SESN3: variants seen among roughly 807,000 people sequenced by gnomAD.
SESN3 encodes the protein sestrin-3.
In SESN3, 21 loss-of-function variants were observed where a neutral mutation model predicts 55.3. The observed-to-expected ratio is 0.38, with a 90% CI of 0.27 to 0.55. The LOEUF (loss-of-function observed/expected upper bound fraction) is 0.55, where lower values mean the gene tolerates loss of function less well. SESN3 is among the 20% of genes least tolerant of loss of function. The pLI, the probability that SESN3 is intolerant of heterozygous loss-of-function variation, is 0.76. For missense variants in SESN3, 408 were observed against 604.3 expected, an observed-to-expected ratio of 0.68 and a Z score of 3.41; for synonymous variants, 181 against 203.1, an observed-to-expected ratio of 0.89 and a Z score of 0.93.
Position 95,189,881 on chromosome 11 carries a change from C to T in SESN3, c.423G>A (p.Trp141Ter). The T allele has an allele frequency of 6.2e-7, 1 of 1,611,622 alleles. No individual in the cohort carries two copies. Among genetic ancestry groups the T allele is most frequent in the Non-Finnish European group, 8.5e-7 (1 of 1,178,460 alleles). ...EFLKTGGIAE[W>*]LNGLEYVPQR... ...GTGGCACATATTCCAAACCATTCAA[C>T]CACTCAGCAATACCTCCAGTCTTTA... Residue 141 changes from tryptophan (W) to a stop codon, truncating the protein, a stop_gained, in exon 4 of 10, where the codon TGG (tryptophan) becomes TGA (stop). Transcript: ENST00000536441. LOFTEE classifies it high-confidence loss of function.
intron 1 of SESN3, among the ~76,000 whole-genome samples, chr11:95,216,925 G>T (rs535259576): frequency 6.6e-6 from 1 of 151,850 alleles, no homozygotes; most frequent in South Asian, 2.1e-4. Context: ...GACTAATATG[G>T]TGAAACCCTG....
intron 1 of SESN3, among the ~76,000 whole-genome samples, chr11:95,205,775 T>TA (rs1459357565): frequency 1.3e-5 from 2 of 151,408 alleles, no homozygotes; most frequent in African/African-American, 4.8e-5. Context: ...CTCTAATATT[T>TA]AATAACAACT....
At chr11:95,186,608 T>C (rs960444071) in intron 4 of SESN3, among the ~76,000 whole-genome samples, 1 of 151,916 alleles carries the variant, frequency 6.6e-6, no homozygotes, top group Non-Finnish European at 1.5e-5. Flanking sequence ...AAGGAAGATA[T>C]TGAACATTCC....
rs1275068729 is a variant in SESN3, at chr11:95,166,845, A to C, written c.*6410T>G. On this transcript the variant is annotated 3_prime_UTR_variant, in exon 10 of 10. Transcript: ENST00000536441. ...AATGTGAAGAGAAAGAGGAAGGGGA[A>C]ACTGTATTTTCTCTCCAGAGAAGAC... The C allele has an allele frequency of 3.9e-5, 6 of 152,182 alleles. No individual in the cohort carries two copies. Among genetic ancestry groups the C allele is most frequent in the Non-Finnish European group, 8.8e-5 (6 of 68,032 alleles). The allele number at this position is 152,182 out of a possible 1,614,324, so 9.4% of individuals were successfully genotyped here. A position where few individuals can be genotyped will look rare whatever the true frequency, so the allele number is the denominator to read the frequency against.
chr11:95,208,761 C>T (rs541974455), intron 1 of SESN3, among the ~76,000 whole-genome samples: 10 of 151,338 alleles, frequency 6.6e-5, no homozygotes, highest in East Asian at 1.9e-4. Context: ...TCAGAAATAA[C>T]GCCACACATC....
chr11:95,177,907 G>A lies in SESN3; in HGVS notation c.1059C>T (p.Asp353=), dbSNP rs1404920729. 2.1e-5 allele frequency: 33 copies of A among 1,558,248 alleles called. No homozygotes were observed. The highest frequency in any genetic ancestry group is 2.8e-5 in the Non-Finnish European group (32 of 1,156,768). Residue 353 remains aspartate, a splice_region_variant and synonymous_variant, in exon 8 of 10, where the codon GAC becomes GAT. Transcript: ENST00000536441. ...EEHLPTFRAQ[D]YTWENHGFSL... ...AGAACCCATGATTTTCCCAGGTATA[G>A]TCCTAAAAGAATAAAATGTATTTAA...
intron 8 of SESN3, among the ~76,000 whole-genome samples, chr11:95,176,253 A>G (rs1859953526): frequency 6.6e-6 from 1 of 152,184 alleles, no homozygotes; most frequent in African/African-American, 2.4e-5. Flanking sequence ...GAATAGGTTC[A>G]AGAGAGAATG....
chr11:95,173,127 A>AAC lies in SESN3; in HGVS notation c.*127_*128insGT, dbSNP rs1565460889. 1 of 542,540 alleles carries AAC rather than the reference A, an allele frequency of 1.8e-6. No homozygotes were observed. The highest frequency in any genetic ancestry group is 2.8e-5 in the East Asian group (1 of 36,232). 33.6% of individuals were successfully genotyped at this position (542,540 alleles called of 1,614,324 possible). ...TTACAGCCGCAAAAAACAAAAAAAA[A>AAC]AAAACAAACGGCTAAACTTTGACAC... On this transcript the variant is annotated 3_prime_UTR_variant, in exon 10 of 10. Coordinates refer to ENST00000536441, the MANE Select transcript of SESN3 (RefSeq NM_144665.4).
At chr11:95,186,313 T>A (rs570893371) in intron 4 of SESN3, among the ~76,000 whole-genome samples, 1 of 151,116 alleles carries the variant, frequency 6.6e-6, no homozygotes, top group Non-Finnish European at 1.5e-5. Flanking sequence ...TTGGCTTACT[T>A]AATGGCTAAA....
At chr11:95,221,369 T>A (rs575489283) in intron 1 of SESN3, among the ~76,000 whole-genome samples, 1 of 152,326 alleles carries the variant, frequency 6.6e-6, no homozygotes, top group Admixed American at 6.5e-5. Context: ...CAGCTTTAGT[T>A]ACCCATGAGG....
Position 95,209,542 on chromosome 11 carries a change from T to G in SESN3, c.79-16020A>C, listed in dbSNP as rs368403542. On this transcript the variant is annotated intron_variant, in intron 1 of 9. Transcript: ENST00000536441. ...AATACCATTTGACCCAGCAATCCCA[T>G]TAGTGGGTATATACTCAAAGGATTA... 3.0e-4 allele frequency among the ~76,000 whole-genome samples: 45 copies of G among 151,476 alleles called. 6 individuals are homozygous for G. In the South Asian group the frequency reaches 9.0e-3, roughly 30 times the overall value.
At chr11:95,222,647 T>G (rs544017024) in intron 1 of SESN3, among the ~76,000 whole-genome samples, 1 of 152,346 alleles carries the variant, frequency 6.6e-6, no homozygotes, top group South Asian at 2.1e-4. Context: ...TATGTAATTG[T>G]TAATTATAAT....
At chr11:95,220,306 C>T (rs1027593170) in intron 1 of SESN3, among the ~76,000 whole-genome samples, 5 of 152,028 alleles carry the variant, frequency 3.3e-5, no homozygotes, top group African/African-American at 1.2e-4. Context: ...GTCCAATTCG[C>T]GAGACACATA....
At chr11:95,206,511 T>G (rs771013588) in intron 1 of SESN3, among the ~76,000 whole-genome samples, 4 of 152,138 alleles carry the variant, frequency 2.6e-5, no homozygotes, top group Non-Finnish European at 5.9e-5. Context: ...GAAAAAGCTA[T>G]AATTATGCTA....
intron 1 of SESN3, among the ~76,000 whole-genome samples, chr11:95,229,238 G>C (rs1459478254): frequency 6.6e-6 from 1 of 152,090 alleles, no homozygotes; most frequent in Non-Finnish European, 1.5e-5. Context: ...GATGACATCT[G>C]GCCCTGCAGT....
intron 1 of SESN3, among the ~76,000 whole-genome samples, chr11:95,199,124 A>C (rs1036988300): frequency 2.6e-5 from 4 of 152,152 alleles, no homozygotes; most frequent in African/African-American, 9.6e-5. Context: ...AGTTTAAAAA[A>C]AGGAATGTAA....
At chr11:95,223,138 A>G (rs537925656) in intron 1 of SESN3, among the ~76,000 whole-genome samples, 4 of 152,222 alleles carry the variant, frequency 2.6e-5, no homozygotes, top group Non-Finnish European at 5.9e-5. Context: ...GCTTTTGTGT[A>G]TAGTGTACCA....
intron 1 of SESN3, among the ~76,000 whole-genome samples, chr11:95,194,620 T>C (rs1860327825): frequency 6.6e-6 from 1 of 152,100 alleles, no homozygotes; most frequent in African/African-American, 2.4e-5. Flanking sequence ...ATTTCTAGGT[T>C]ATATTTACAA....
intron 3 of SESN3, 73 bp from the exon 4 acceptor site, chr11:95,190,034 T>C: frequency 8.8e-7 from 1 of 1,132,540 alleles, no homozygotes; most frequent in Non-Finnish European, 1.2e-6. Flanking sequence ...TCTAAACAAA[T>C]AATTCAGATG....
Sources: allele counts gnomAD v4.1 joint callset (sites outside exome capture counted in the v4.1 genomes callset), GRCh38; gene constraint gnomAD v4.1.1; transcripts MANE v1.5; gene names NCBI Gene and HGNC (gene_info 2026-07-23, HGNC 2026-07-21).